Variants in INTS3 observed in about 807,000 individuals in gnomAD.
The protein encoded by INTS3 is SOSS complex subunit A.
INTS3 carries 34 observed loss-of-function variants against 146.3 expected under a neutral mutation model. The observed-to-expected ratio is 0.23, with a 90% CI of 0.18 to 0.31. INTS3 has a LOEUF of 0.31. INTS3 is among the 10% of genes least tolerant of loss of function. The pLI, the probability that INTS3 is intolerant of heterozygous loss-of-function variation, is 1.00. For missense variants in INTS3, 757 were observed against 1,304.2 expected (o/e 0.58, Z 6.46); for synonymous variants, 475 against 494.9 (o/e 0.96, Z 0.53).
In INTS3 at chr1:153,772,594, C is replaced by T; in HGVS notation, c.2822-45C>T. The stretch of plus-strand genomic sequence containing the variant: ...GCGTGCTGTTTAATAAGCTCCCAGA[C>T]ATCTGATTGTTTTTCCTTCCCTGCT... On this transcript the variant is annotated intron_variant, in intron 27 of 29. Transcript: ENST00000318967. The surrounding 1 kb of genome is among the most constrained non-coding windows in gnomAD (Gnocchi z 4.6). 3.1e-6 allele frequency: 5 copies of T among 1,613,860 alleles called. No individual in the cohort carries two copies. The highest frequency in any genetic ancestry group is 4.2e-6 in the Non-Finnish European group (5 of 1,179,864).
Position 153,773,592 on chromosome 1 carries a change from C to T in INTS3, c.*322C>T, listed in dbSNP as rs1673000996. The T allele has an allele frequency of 2.3e-6, 1 of 444,242 alleles. No individual in the cohort carries two copies. The highest frequency in any genetic ancestry group is 4.2e-6 in the Non-Finnish European group (1 of 238,216). The allele number at this position is 444,242 out of a possible 1,614,324, so 27.5% of individuals were successfully genotyped here. ...CCTGGCCCCTTCCGCAATCTCCTCC[C>T]CCAGTCTCCCAAAGAGCCATTTCAA... On this transcript the variant is annotated 3_prime_UTR_variant, in exon 30 of 30. Coordinates refer to ENST00000318967, the MANE Select transcript of INTS3 (RefSeq NM_023015.5).
intron 1 of INTS3, among the ~76,000 whole-genome samples, chr1:153,737,492 A>G (rs1014819808): frequency 6.6e-6 from 1 of 152,232 alleles, no homozygotes; most frequent in African/African-American, 2.4e-5. Flanking sequence ...TCCTTGTTTA[A>G]CTGGAGACCC....
chr1:153,728,717 C>T lies in INTS3; in HGVS notation c.83C>T (p.Ala28Val), dbSNP rs147301782. The stretch of plus-strand genomic sequence containing the variant: ...GGAGGTGGAGGAGGAGGAGCGGGAG[C>T]AGGAGCCCCAGGAGGGGGGAGGCTG... Reference protein sequence around the residue: ...AAGGGGGGAGAGAPGGGRLLL... With the variant: ...AAGGGGGGAGVGAPGGGRLLL... The change falls in exon 1 of 30, where the codon GCA becomes GTA. Residue 28 changes from alanine (A) to valine (V), a missense_variant. Coordinates refer to ENST00000318967, the MANE Select transcript of INTS3 (RefSeq NM_023015.5). The T allele has an allele frequency of 1.2e-6, 2 of 1,609,006 alleles. No individual in the cohort carries two copies. The highest frequency in any genetic ancestry group is 1.7e-6 in the Non-Finnish European group (2 of 1,177,514).
chr1:153,768,800 C>A lies in INTS3; in HGVS notation c.2245-93C>A. 3 of 989,776 alleles carry A rather than the reference C, an allele frequency of 3.0e-6. No homozygotes were observed. In the South Asian group the frequency reaches 3.9e-5, roughly 13 times the overall value. 61.3% of individuals were successfully genotyped at this position (989,776 alleles called of 1,614,324 possible). ...AGGGCCTGTGTCTGGCTGACCCAGT[C>A]AAACCTTGAGATGTAATAAGGAAGG... On this transcript the variant is annotated intron_variant, in intron 21 of 29. Transcript: ENST00000318967.
intron 1 of INTS3, among the ~76,000 whole-genome samples, chr1:153,736,040 A>T (rs958112288): frequency 6.6e-6 from 1 of 152,006 alleles, no homozygotes; most frequent in Non-Finnish European, 1.5e-5. Flanking sequence ...CAAGTGGGAT[A>T]AGATTTAAAA....
At chr1:153,746,318 A>G (rs1390608539) in intron 3 of INTS3, among the ~76,000 whole-genome samples, 1 of 152,184 alleles carries the variant, frequency 6.6e-6, no homozygotes, top group East Asian at 1.9e-4. Flanking sequence ...TGTGGCATCA[A>G]ACAGTATGAC....
chr1:153,770,952 C>CGGAGGTGG, intron 25 of INTS3, among the ~76,000 whole-genome samples: 1 of 152,128 alleles, frequency 6.6e-6, no homozygotes, highest in East Asian at 1.9e-4. Context: ...GAGCTGCCCT[C>CGGAGGTGG]GGAGGTGGGG....
chr1:153,745,500 C>A (rs977409546), intron 3 of INTS3, among the ~76,000 whole-genome samples: 4 of 152,022 alleles, frequency 2.6e-5, no homozygotes, highest in African/African-American at 9.7e-5. Context: ...GCCATCCTTG[C>A]TACTGGTCTT....
At chr1:153,743,728 G>A (rs536807540) in intron 3 of INTS3, among the ~76,000 whole-genome samples, 57 of 152,248 alleles carry the variant, frequency 3.7e-4, no homozygotes, top group Non-Finnish European at 6.2e-4. Context: ...GGGAACTGTG[G>A]CAAGGAGGGA....
chr1:153,746,428 C>A (rs1168516736), intron 3 of INTS3, among the ~76,000 whole-genome samples: 1 of 151,168 alleles, frequency 6.6e-6, no homozygotes, highest in African/African-American at 2.4e-5. Context: ...TTCGCTCCGT[C>A]GCCCAGGCTA....
intron 9 of INTS3, 36 bp downstream of exon 9, chr1:153,754,775 A>G: frequency 7.4e-7 from 1 of 1,349,608 alleles, no homozygotes; most frequent in East Asian, 2.3e-5. Flanking sequence ...AAGAGGTCAC[A>G]CGCTGGCTGG....
intron 24 of INTS3, 36 bp downstream of exon 24, chr1:153,770,347 T>G: frequency 8.0e-7 from 1 of 1,251,326 alleles, no homozygotes; most frequent in Non-Finnish European, 1.2e-6. Context: ...ACATCAGATA[T>G]GACACTTCCT....
intron 1 of INTS3, among the ~76,000 whole-genome samples, chr1:153,729,739 G>T (rs1230049832): frequency 1.3e-5 from 2 of 152,000 alleles, no homozygotes; most frequent in Non-Finnish European, 2.9e-5. Context: ...GGTGGCTTGT[G>T]CCTGTAATCC....
At chr1:153,769,145 G>T (rs1672714270) in intron 22 of INTS3, among the ~76,000 whole-genome samples, 184 bp downstream of exon 22, 2 of 152,176 alleles carry the variant, frequency 1.3e-5, no homozygotes, top group South Asian at 4.1e-4. Context: ...CACAAGCAAG[G>T]CAGGCTGAGG....
At chr1:153,735,748 G>A (rs936535548) in intron 1 of INTS3, among the ~76,000 whole-genome samples, 1 of 152,058 alleles carries the variant, frequency 6.6e-6, no homozygotes, top group Admixed American at 6.6e-5. Flanking sequence ...TTTGAGACAG[G>A]GCCTTGCTTT....
At chr1:153,766,760 A>T (rs1672603808) in intron 20 of INTS3, 1 of 133,732 alleles carries the variant, frequency 7.5e-6, no homozygotes, top group Non-Finnish European at 1.6e-5. Context: ...CGCGAGCTCC[A>T]CTCACTGCAA....
intron 8 of INTS3, among the ~76,000 whole-genome samples, chr1:153,753,042 T>TACACACACAC (rs57778477): frequency 4.1e-5 from 6 of 145,532 alleles, no homozygotes; most frequent in African/African-American, 1.5e-4. Flanking sequence ...GCTCCCCTCC[T>TACACACACAC]ACACACACAC....
At chr1:153,747,184 A>G (rs1410407235) in intron 4 of INTS3, 95 bp from the exon 5 acceptor site, 4 of 1,305,182 alleles carry the variant, frequency 3.1e-6, no homozygotes, top group Middle Eastern at 1.8e-4. Flanking sequence ...TTGTGTGTCT[A>G]AATTGTAATG....
intron 21 of INTS3, 58 bp from the exon 22 acceptor site, chr1:153,768,835 T>C: frequency 7.6e-7 from 1 of 1,322,090 alleles, no homozygotes. Flanking sequence ...GAGAGTGGGC[T>C]ATGGGATAAA....
Sources: allele counts gnomAD v4.1 joint callset (sites outside exome capture counted in the v4.1 genomes callset), GRCh38; gene constraint gnomAD v4.1.1; non-coding constraint Gnocchi (gnomAD v3.1); transcripts MANE v1.5; gene names NCBI Gene and HGNC (gene_info 2026-07-23, HGNC 2026-07-21).